The following TRIQK variants were observed in gnomAD, a reference collection of about 807,000 sequenced individuals.
The protein encoded by TRIQK is triple QxxK/R motif-containing protein.
TRIQK carries 10 observed loss-of-function variants against 10.8 expected under a neutral mutation model. The ratio of observed to expected loss-of-function variants is 0.92; its 90% CI spans 0.57 to 1.57. TRIQK has a LOEUF of 1.57. TRIQK is among the 40% of genes most tolerant of loss of function. TRIQK has a pLI of 0.00. For missense variants in TRIQK, 107 were observed against 97.7 expected, an observed-to-expected ratio of 1.09 and a Z score of -0.40; for synonymous variants, 33 against 33.7, an observed-to-expected ratio of 0.98 and a Z score of 0.07.
chr8:92,960,217 T>C (rs1812382761), intron 1 of TRIQK, among the ~76,000 whole-genome samples: 1 of 152,120 alleles, frequency 6.6e-6, no homozygotes. Flanking sequence ...TATCTATCTA[T>C]CTATGTATCT....
intron 4 of TRIQK, among the ~76,000 whole-genome samples, chr8:92,891,155 A>G (rs943313062): frequency 2.0e-5 from 3 of 151,874 alleles, no homozygotes; most frequent in African/African-American, 4.8e-5. Context: ...CAAATATATC[A>G]TCTGGCAGTT....
rs551213513 is a variant in TRIQK, at chr8:92,936,313, A to G, written c.-22+18093T>C. 3.3e-5 allele frequency among the ~76,000 whole-genome samples: 5 copies of G among 151,846 alleles called. No homozygotes were observed. In the South Asian group the frequency reaches 1.0e-3, roughly 31 times the overall value. ...GGCTAATCACAAAAATGAAAGGGCA[A>G]TTTAACATTAGATATTATCTTAGTA... On this transcript the variant is annotated intron_variant, in intron 2 of 4. Transcript: ENST00000521988.
intron 2 of TRIQK, among the ~76,000 whole-genome samples, chr8:92,925,275 G>A (rs371134925): frequency 3.5e-4 from 53 of 151,876 alleles, no homozygotes; most frequent in African/African-American, 1.3e-3. Context: ...ACAACTGAAC[G>A]AAGTAGCTAA....
chr8:92,915,756 C>T (rs911349830), intron 3 of TRIQK, among the ~76,000 whole-genome samples: 1 of 124,028 alleles, frequency 8.1e-6, no homozygotes, highest in African/African-American at 3.1e-5. Flanking sequence ...GCCTCGGCCT[C>T]CCAAAGTGCT....
rs1816494743 is a variant in TRIQK, at chr8:92,886,642, G to T, written c.241C>A (p.Leu81Met). 6.5e-7 allele frequency: 1 copy of T among 1,527,294 alleles called. No individual in the cohort carries two copies. Among genetic ancestry groups the T allele is most frequent in the Admixed American group, 2.0e-5 (1 of 50,384 alleles). 94.6% of individuals were successfully genotyped at this position (1,527,294 alleles called of 1,614,324 possible). Residue 81 changes from leucine (L) to methionine (M), a missense_variant, in exon 5 of 5, where the codon CTG becomes ATG. Coordinates refer to ENST00000521988, the MANE Select transcript of TRIQK (RefSeq NM_001171797.2). The part of the protein sequence containing the change: ...LRLTTDVDPD[L>M]DQDED ...CTTAGCTAATCTTCATCTTGGTCCA[G>T]ATCAGGGTCAACATCCGTGGTGAGT...
At chr8:93,017,435 C>T (rs556394728) in intron 1 of TRIQK, among the ~76,000 whole-genome samples, 33 of 152,300 alleles carry the variant, frequency 2.2e-4, no homozygotes, top group African/African-American at 7.9e-4. Flanking sequence ...CAGTTGTCCA[C>T]ACTGCCATGC....
At chr8:92,922,771 T>C (rs1810254173) in intron 2 of TRIQK, among the ~76,000 whole-genome samples, 1 of 151,786 alleles carries the variant, frequency 6.6e-6, no homozygotes, top group African/African-American at 2.4e-5. Context: ...ATTTTATAGG[T>C]ATAATAATCA....
At chr8:92,935,525 A>T (rs1407673321) in intron 2 of TRIQK, among the ~76,000 whole-genome samples, 1 of 151,690 alleles carries the variant, frequency 6.6e-6, no homozygotes, top group Non-Finnish European at 1.5e-5. Context: ...AAGACAAAAG[A>T]TTGAAAAATA....
chr8:92,917,958 A>G (rs1416947964), intron 2 of TRIQK, among the ~76,000 whole-genome samples: 1 of 151,958 alleles, frequency 6.6e-6, no homozygotes, highest in Non-Finnish European at 1.5e-5. Context: ...AGCTCTCACA[A>G]ATGAGTGAGA....
intron 1 of TRIQK, among the ~76,000 whole-genome samples, chr8:92,971,574 T>C (rs1812877851): frequency 6.6e-6 from 1 of 152,044 alleles, no homozygotes; most frequent in Non-Finnish European, 1.5e-5. Flanking sequence ...AATACCTAGA[T>C]ATACAGCTAA....
chr8:92,897,004 A>G (rs927131498), intron 3 of TRIQK, among the ~76,000 whole-genome samples: 2 of 151,970 alleles, frequency 1.3e-5, no homozygotes, highest in African/African-American at 4.8e-5. Flanking sequence ...TTTAGTAGAG[A>G]TGGGGTTTCG....
intron 1 of TRIQK, among the ~76,000 whole-genome samples, chr8:92,955,356 T>G (rs547777864): frequency 6.6e-6 from 1 of 151,850 alleles, no homozygotes; most frequent in East Asian, 1.9e-4. Flanking sequence ...GAAAGAATAA[T>G]CCTTTTTAAC....
At chr8:93,003,373 A>T (rs778160583) in intron 1 of TRIQK, among the ~76,000 whole-genome samples, 2 of 151,954 alleles carry the variant, frequency 1.3e-5, no homozygotes, top group Non-Finnish European at 2.9e-5. Flanking sequence ...ACATTCAAAC[A>T]AGCAGATCTC....
chr8:92,916,643 G>A (rs1809865875), intron 3 of TRIQK, among the ~76,000 whole-genome samples: 1 of 151,760 alleles, frequency 6.6e-6, no homozygotes, highest in South Asian at 2.1e-4. Flanking sequence ...AATCAAAAAT[G>A]CTGATTATAT....
intron 1 of TRIQK, among the ~76,000 whole-genome samples, chr8:92,972,023 C>G (rs1946156677): frequency 6.6e-6 from 1 of 151,746 alleles, no homozygotes; most frequent in Non-Finnish European, 1.5e-5. Flanking sequence ...CAATGTTGAC[C>G]TTTTTATCTC....
intron 2 of TRIQK, among the ~76,000 whole-genome samples, chr8:92,931,343 A>C (rs1036807422): frequency 6.6e-6 from 1 of 152,168 alleles, no homozygotes; most frequent in Non-Finnish European, 1.5e-5. Flanking sequence ...GTTTTAGGAT[A>C]AAACTACTAT....
At chr8:92,902,605 T>C (rs1809008088) in intron 3 of TRIQK, among the ~76,000 whole-genome samples, 1 of 152,150 alleles carries the variant, frequency 6.6e-6, no homozygotes, top group Admixed American at 6.6e-5. Flanking sequence ...GTTGTTCAGT[T>C]TGGTGTTCCT....
intron 2 of TRIQK, among the ~76,000 whole-genome samples, chr8:92,924,197 G>C (rs561144164): frequency 6.6e-5 from 10 of 151,870 alleles, no homozygotes; most frequent in Admixed American, 1.3e-4. Context: ...TAGATGCTGA[G>C]GATATAATAA....
chr8:93,009,778 G>T (rs1046517667), intron 1 of TRIQK, among the ~76,000 whole-genome samples: 1 of 151,954 alleles, frequency 6.6e-6, no homozygotes, highest in Admixed American at 6.6e-5. Flanking sequence ...CCACTGCTGG[G>T]TTTATATCCA....
Sources: gnomAD v4.1 joint callset for allele counts (sites outside exome capture counted in the v4.1 genomes callset) on GRCh38, gnomAD v4.1.1 for gene constraint, MANE v1.5 for transcripts, NCBI Gene and HGNC (gene_info 2026-07-23, HGNC 2026-07-21) for gene names.